The following PAK2 variants were observed in gnomAD, a reference collection of about 807,000 sequenced individuals.
The protein encoded by PAK2 is p21 (RAC1) activated kinase 2, also known as serine/threonine-protein kinase PAK 2.
PAK2 carries 21 observed loss-of-function variants against 65.9 expected under a neutral mutation model. The ratio of observed to expected loss-of-function variants is 0.32; its 90% CI spans 0.23 to 0.46. The LOEUF is 0.46. Among genes scored for constraint, PAK2 ranks in the 20% least tolerant of loss-of-function variants. PAK2 has a pLI of 1.00. For synonymous variants in PAK2, 204 were observed against 219.7 expected, an observed-to-expected ratio of 0.93 and a Z score of 0.63; for missense variants, 324 against 642.6, an observed-to-expected ratio of 0.50 and a Z score of 5.36.
In PAK2 at chr3:196,782,632, T is replaced by C; in HGVS notation, c.-15T>C. ...GTATTTTTTCCAATTCCAGGCCATT[T>C]CATAATTCTGAATCATGTCTGATAA... On this transcript the variant is annotated 5_prime_UTR_variant, in exon 2 of 15. Transcript: ENST00000327134. 6.5e-7 allele frequency: 1 copy of C among 1,530,828 alleles called. No homozygotes were observed. The highest frequency in any genetic ancestry group is 8.9e-7 in the Non-Finnish European group (1 of 1,126,130). The allele number at this position is 1,530,828 out of a possible 1,614,324, so 94.8% of individuals were successfully genotyped here. A position where few individuals can be genotyped will look rare whatever the true frequency, so the allele number is the denominator to read the frequency against.
chr3:196,822,895 CCTCA>C (rs144953766), intron 13 of PAK2, among the ~76,000 whole-genome samples: 1,668 of 152,206 alleles, frequency 0.011, 19 homozygotes, highest in African/African-American at 0.035. Context: ...TGATTCTGGA[CCTCA>C]GCACAGCTGG....
chr3:196,804,301 C>T (rs1055692434), intron 4 of PAK2, among the ~76,000 whole-genome samples: 8 of 152,008 alleles, frequency 5.3e-5, no homozygotes, highest in African/African-American at 1.7e-4. Flanking sequence ...TCTAGTACAC[C>T]GTTAGGAAAA....
At chr3:196,821,099 C>A (rs116671245) in intron 13 of PAK2, among the ~76,000 whole-genome samples, 1,528 of 152,190 alleles carry the variant, frequency 0.01, 16 homozygotes, top group African/African-American at 0.031. Flanking sequence ...CCTCGGCTTC[C>A]CAAAGTGCTG....
rs1713909849 is a variant in PAK2, at chr3:196,760,014, G to A, written c.-22+19857G>A. On this transcript the variant is annotated intron_variant, in intron 1 of 14. Coordinates refer to ENST00000327134, the MANE Select transcript of PAK2 (RefSeq NM_002577.4). ...TCATGAATGGAATGATACAATATGTGGTCTTTTGTGACTGGTTTCTTTCAT... is the reference window on the plus strand; with the variant it reads ...TCATGAATGGAATGATACAATATGTAGTCTTTTGTGACTGGTTTCTTTCAT... 1.3e-5 allele frequency among the ~76,000 whole-genome samples: 2 copies of A among 152,182 alleles called. 1 individual carries two copies. The highest frequency in any genetic ancestry group is 4.2e-4 in the South Asian group (2 of 4,818).
At chr3:196,761,648 GC>G (rs1307023085) in intron 1 of PAK2, among the ~76,000 whole-genome samples, 7 of 135,160 alleles carry the variant, frequency 5.2e-5, no homozygotes, top group African/African-American at 1.6e-4. Flanking sequence ...TGTCATCCTG[GC>G]CCGTTCTCAA....
At chr3:196,785,494 G>A (rs573791573) in intron 2 of PAK2, among the ~76,000 whole-genome samples, 41 of 152,282 alleles carry the variant, frequency 2.7e-4, no homozygotes, top group African/African-American at 9.9e-4. Context: ...AACTCTGGGA[G>A]GGGTGAAATA....
At chr3:196,744,998 T>C (rs1352983740) in intron 1 of PAK2, among the ~76,000 whole-genome samples, 1 of 152,082 alleles carries the variant, frequency 6.6e-6, no homozygotes, top group African/African-American at 2.4e-5. Flanking sequence ...TTGTAGAAGC[T>C]CTTCACATGT....
intron 11 of PAK2, among the ~76,000 whole-genome samples, chr3:196,816,424 A>G (rs1044126254): frequency 1.3e-5 from 2 of 152,190 alleles, no homozygotes; most frequent in Non-Finnish European, 2.9e-5. Context: ...GCTGATAAAA[A>G]CAAGAATTTA....
chr3:196,742,861 A>G (rs1457272341), intron 1 of PAK2, among the ~76,000 whole-genome samples: 1 of 152,226 alleles, frequency 6.6e-6, no homozygotes, highest in South Asian at 2.1e-4. Context: ...CGGAGCTTGC[A>G]GTGAGTCGAG....
chr3:196,815,604 C>T (rs756720999), intron 11 of PAK2, among the ~76,000 whole-genome samples: 5 of 151,536 alleles, frequency 3.3e-5, no homozygotes, highest in South Asian at 4.2e-4. Context: ...CTGACCAACA[C>T]GGTGAAACCC....
At chr3:196,822,157 A>G (rs1457920318) in intron 13 of PAK2, among the ~76,000 whole-genome samples, 1 of 152,246 alleles carries the variant, frequency 6.6e-6, no homozygotes, top group Non-Finnish European at 1.5e-5. Context: ...GAATGACATT[A>G]AAGCCCTCTA....
At chr3:196,745,184 A>G (rs1175353497) in intron 1 of PAK2, among the ~76,000 whole-genome samples, 1 of 149,234 alleles carries the variant, frequency 6.7e-6, no homozygotes, top group Non-Finnish European at 1.5e-5. Flanking sequence ...GTTGGATCTC[A>G]GCTCACTGCA....
intron 1 of PAK2, among the ~76,000 whole-genome samples, chr3:196,741,543 CTT>C (rs1164450107): frequency 7.2e-5 from 11 of 152,216 alleles, no homozygotes; most frequent in Admixed American, 7.2e-4. Flanking sequence ...TTGATTGACA[CTT>C]ATTACGGAAA....
chr3:196,742,413 A>G (rs1341539497), intron 1 of PAK2, among the ~76,000 whole-genome samples: 2 of 152,032 alleles, frequency 1.3e-5, no homozygotes, highest in East Asian at 3.9e-4. Context: ...TATACTTTTT[A>G]AGAGAGACTA....
chr3:196,806,725 G>A (rs567046783), intron 6 of PAK2, 39 bp downstream of exon 6: 25 of 1,177,874 alleles, frequency 2.1e-5, no homozygotes, highest in Non-Finnish European at 2.7e-5. Flanking sequence ...GTGTGTGCAC[G>A]TGTGTTTTAA....
rs7624650 is a variant in PAK2, at chr3:196,824,706, C to T, written c.1351-2490C>T. Among the ~76,000 whole-genome samples, 1,245 of 152,018 alleles carry T rather than the reference C, an allele frequency of 8.2e-3. 20 individuals carry two copies. Among genetic ancestry groups the T allele is most frequent in the African/African-American group, 0.028 (1,154 of 41,448 alleles). On this transcript the variant is annotated intron_variant, in intron 13 of 14. Transcript: ENST00000327134. ...TGTCAAAGCCCATGGAACAACTAGG[C>T]ACGGTGGTGCACACCTGTAGTCCCT...
chr3:196,798,131 G>A (rs894117117), intron 2 of PAK2, among the ~76,000 whole-genome samples: 5 of 151,928 alleles, frequency 3.3e-5, no homozygotes, highest in Non-Finnish European at 7.4e-5. Flanking sequence ...GAAATAGGGG[G>A]AAAAAGCAGC....
intron 2 of PAK2, among the ~76,000 whole-genome samples, chr3:196,787,104 G>A (rs573845924): frequency 7.6e-4 from 115 of 152,106 alleles, no homozygotes; most frequent in African/African-American, 2.6e-3. Context: ...GATTACAGGC[G>A]CGAGCCACCA....
intron 2 of PAK2, among the ~76,000 whole-genome samples, chr3:196,800,351 C>T (rs562612053): frequency 6.6e-6 from 1 of 152,188 alleles, no homozygotes; most frequent in South Asian, 2.1e-4. Flanking sequence ...CACTGCACTC[C>T]AGCCTGGGCG....
Sources: gnomAD v4.1 joint callset for allele counts (sites outside exome capture counted in the v4.1 genomes callset) on GRCh38, gnomAD v4.1.1 for gene constraint, MANE v1.5 for transcripts, NCBI Gene and HGNC (gene_info 2026-07-23, HGNC 2026-07-21) for gene names.